The following MLXIPL variants were observed in gnomAD, a reference collection of about 807,000 sequenced individuals.
The protein encoded by MLXIPL is carbohydrate-responsive element-binding protein.
MLXIPL carries 49 observed loss-of-function variants against 81.5 expected under a neutral mutation model. The ratio of observed to expected loss-of-function variants is 0.60; its 90% confidence interval spans 0.48 to 0.76. The LOEUF (loss-of-function observed/expected upper bound fraction) is 0.76. Among genes scored for constraint, MLXIPL ranks in the 30% least tolerant of loss-of-function variants. The probability of loss-of-function intolerance (pLI) is 0.00; values close to 1 mark genes in which losing one functional copy is unlikely to be tolerated. For missense variants in MLXIPL, 1,053 were observed against 1,167.0 expected, an observed-to-expected ratio of 0.90 and a Z score of 1.42; for synonymous variants, 466 against 485.5, an observed-to-expected ratio of 0.96 and a Z score of 0.53.
chr7:73,641,358 T>C, the MLXIPL span, among the ~76,000 whole-genome samples: 1 of 152,096 alleles, frequency 6.6e-6, no homozygotes, highest in Non-Finnish European at 1.5e-5. Context: ...TGGGCCTCAG[T>C]TGCCCTCCCT....
intron 7 of MLXIPL, among the ~76,000 whole-genome samples, chr7:73,603,436 C>A (rs1554596976): frequency 6.6e-6 from 1 of 152,194 alleles, no homozygotes; most frequent in African/African-American, 2.4e-5. Flanking sequence ...CCGCTGCCCT[C>A]CCAGGCTGGC....
At chr7:73,599,822 G>A in intron 7 of MLXIPL, 127 bp from the exon 8 acceptor site, 1 of 862,318 alleles carries the variant, frequency 1.2e-6, no homozygotes, top group Non-Finnish European at 1.8e-6. Flanking sequence ...GCAGAGGGTG[G>A]GGGTCCCTTC....
At chr7:73,602,519 A>AG (rs1207118547) in intron 7 of MLXIPL, among the ~76,000 whole-genome samples, 1 of 151,834 alleles carries the variant, frequency 6.6e-6, no homozygotes, top group Non-Finnish European at 1.5e-5. Flanking sequence ...AAAAAAAAAA[A>AG]AAATACAAAA....
intron 7 of MLXIPL, 68 bp downstream of exon 7, chr7:73,605,620 A>C: frequency 6.9e-7 from 1 of 1,448,318 alleles, no homozygotes; most frequent in Non-Finnish European, 9.7e-7. Context: ...GGGGCCTGGG[A>C]TGGGCTCATC....
intron 7 of MLXIPL, among the ~76,000 whole-genome samples, chr7:73,603,470 A>C (rs1206331263): frequency 6.6e-6 from 1 of 152,044 alleles, no homozygotes; most frequent in Non-Finnish European, 1.5e-5. Flanking sequence ...ACTGCCATGC[A>C]CACTTCTGCC....
chr7:73,631,395 A>G, the MLXIPL span, among the ~76,000 whole-genome samples: 1 of 151,956 alleles, frequency 6.6e-6, no homozygotes, highest in Non-Finnish European at 1.5e-5. Context: ...CTCACTGATT[A>G]TGTATTAAAC....
At chr7:73,613,515 C>T (rs1554600191) in intron 2 of MLXIPL, among the ~76,000 whole-genome samples, 1 of 152,058 alleles carries the variant, frequency 6.6e-6, no homozygotes, top group Admixed American at 6.6e-5. Context: ...ACAATAATTG[C>T]TTGAACTGGG....
the MLXIPL span, among the ~76,000 whole-genome samples, chr7:73,634,802 G>A: frequency 1.9e-5 from 2 of 106,842 alleles, no homozygotes; most frequent in African/African-American, 3.8e-5. Flanking sequence ...GCTTCTATAT[G>A]TATTTATTAT....
upstream of MLXIPL, among the ~76,000 whole-genome samples, chr7:73,627,004 C>T (rs1004673982): frequency 6.6e-6 from 1 of 152,170 alleles, no homozygotes; most frequent in Non-Finnish European, 1.5e-5. Flanking sequence ...TTATCCAAGG[C>T]TGCTCACAGG....
At chr7:73,606,537 T>C (rs752603928) in intron 5 of MLXIPL, 41 of 310,202 alleles carry the variant, frequency 1.3e-4, no homozygotes, top group Non-Finnish European at 2.4e-4. Context: ...GCGATTCTCC[T>C]GTCTCAGCCT....
intron 7 of MLXIPL, among the ~76,000 whole-genome samples, chr7:73,600,024 C>T (rs1794661861): frequency 1.3e-5 from 2 of 151,988 alleles, no homozygotes; most frequent in South Asian, 4.1e-4. Flanking sequence ...CCTGGTGGCT[C>T]CCCTTCCCTG....
At chr7:73,635,818 C>T in the MLXIPL span, among the ~76,000 whole-genome samples, 1 of 152,158 alleles carries the variant, frequency 6.6e-6, no homozygotes, top group Non-Finnish European at 1.5e-5. Context: ...ACCTAACTTT[C>T]TATTCATCCA....
chr7:73,606,917 C>G, intron 5 of MLXIPL, 57 bp downstream of exon 5: 1 of 1,588,780 alleles, frequency 6.3e-7, no homozygotes, highest in Non-Finnish European at 8.6e-7. Flanking sequence ...ACTCTGCCTC[C>G]CATCTACTTG....
chr7:73,633,734 C>A, the MLXIPL span, among the ~76,000 whole-genome samples: 16 of 152,228 alleles, frequency 1.1e-4, no homozygotes, highest in South Asian at 1.7e-3. Flanking sequence ...GGATTCCAGG[C>A]GTGAGCCATG....
chr7:73,631,554 GCTA>G, the MLXIPL span, among the ~76,000 whole-genome samples: 1 of 106,844 alleles, frequency 9.4e-6, no homozygotes, highest in African/African-American at 3.5e-5. Context: ...GAAGGATGTT[GCTA>G]CTTTTTTTTT....
intron 3 of MLXIPL, 48 bp from the exon 4 acceptor site, chr7:73,607,468 C>T: frequency 1.3e-6 from 2 of 1,512,364 alleles, no homozygotes; most frequent in Non-Finnish European, 9.0e-7. Flanking sequence ...GGGAGCACCG[C>T]ACACCCATCT....
Position 73,596,044 on chromosome 7 carries a change from G to A in MLXIPL, c.2059-75C>T, listed in dbSNP as rs1256359558. The A allele has an allele frequency of 3.7e-6, 6 of 1,601,894 alleles. No individual in the cohort carries two copies. Among genetic ancestry groups the A allele is most frequent in the Non-Finnish European group, 5.1e-6 (6 of 1,176,896 alleles). ...GGGACCCACTGAGGCACTGGGATGG[G>A]AGGAGGCAAGAGTGTCTGGAGCACT... On this transcript the variant is annotated intron_variant, in intron 13 of 16. Transcript: ENST00000313375. This position sits in a 1 kb window ranked among gnomAD's most constrained non-coding sequence, Gnocchi z 4.7.
At chr7:73,599,381 G>A in intron 8 of MLXIPL, 145 bp downstream of exon 8, 1 of 1,041,598 alleles carries the variant, frequency 9.6e-7, no homozygotes, top group Non-Finnish European at 1.5e-6. Context: ...CCTCCCAGAG[G>A]GCAGAGATGG....
chr7:73,602,871 G>A (rs781867423), intron 7 of MLXIPL, among the ~76,000 whole-genome samples: 7 of 152,294 alleles, frequency 4.6e-5, no homozygotes, highest in East Asian at 3.9e-4. Context: ...CCTGGGTCCC[G>A]GGCAGGGGTC....
Sources: gnomAD v4.1 joint callset for allele counts (sites outside exome capture counted in the v4.1 genomes callset) on GRCh38, gnomAD v4.1.1 for gene constraint, Gnocchi (gnomAD v3.1) non-coding constraint, MANE v1.5 for transcripts, NCBI Gene and HGNC (gene_info 2026-07-23, HGNC 2026-07-21) for gene names.